Variants in PXT1 observed in about 807,000 individuals in gnomAD.
The protein encoded by PXT1 is peroxisomal testis-specific protein 1.
A neutral mutation model predicts 11.0 loss-of-function variants in PXT1; 11 were observed. That is an observed-to-expected ratio of 1.00 (90% confidence interval 0.63 to 1.66). The LOEUF (loss-of-function observed/expected upper bound fraction) is 1.66. PXT1 is among the 40% of genes most tolerant of loss of function. PXT1 has a pLI of 0.00. For missense variants in PXT1, 141 were observed against 155.5 expected (o/e 0.91, Z 0.49); for synonymous variants, 43 against 51.4 (o/e 0.84, Z 0.70).
intron 4 of PXT1, among the ~76,000 whole-genome samples, chr6:36,398,924 G>A (rs1457059598): frequency 6.6e-6 from 1 of 152,044 alleles, no homozygotes; most frequent in Non-Finnish European, 1.5e-5. Context: ...CATCTGCCTT[G>A]TTATCTGCCC....
chr6:36,414,014 A>T (rs552858995), intron 3 of PXT1, among the ~76,000 whole-genome samples: 105 of 152,358 alleles, frequency 6.9e-4, no homozygotes, highest in African/African-American at 2.4e-3. Context: ...ACATAAAAAT[A>T]AAAATTAAAA....
intron 2 of PXT1, among the ~76,000 whole-genome samples, chr6:36,435,126 T>C (rs75895965): frequency 0.014 from 2,085 of 152,048 alleles, 45 homozygotes; most frequent in African/African-American, 0.045. Context: ...TAGCAAAAGC[T>C]TTAGAGAAGA....
intron 3 of PXT1, among the ~76,000 whole-genome samples, chr6:36,419,996 G>A (rs1166828725): frequency 6.6e-6 from 1 of 152,140 alleles, no homozygotes; most frequent in Non-Finnish European, 1.5e-5. Flanking sequence ...GGTGGGTTTA[G>A]GGCTAGGCTT....
At chr6:36,428,053 C>T (rs115463186) in intron 2 of PXT1, among the ~76,000 whole-genome samples, 7,778 of 152,186 alleles carry the variant, frequency 0.051, 283 homozygotes, top group South Asian at 0.13. Flanking sequence ...TAACTGGACT[C>T]ATTAGGCAAA....
chr6:36,442,307 G>A (rs1360730956), intron 1 of PXT1, among the ~76,000 whole-genome samples: 1 of 152,162 alleles, frequency 6.6e-6, no homozygotes, highest in Non-Finnish European at 1.5e-5. Context: ...AGGATTACAG[G>A]CGTGAGCCAC....
intron 3 of PXT1, among the ~76,000 whole-genome samples, chr6:36,419,838 G>A (rs904890548): frequency 2.6e-5 from 4 of 152,124 alleles, no homozygotes; most frequent in African/African-American, 4.8e-5. Context: ...AGAACCAGGC[G>A]AAATATTTGG....
intron 1 of PXT1, among the ~76,000 whole-genome samples, chr6:36,440,928 C>G (rs908482592): frequency 3.3e-5 from 5 of 151,858 alleles, no homozygotes; most frequent in African/African-American, 1.2e-4. Flanking sequence ...TAATAAGACT[C>G]GGTAGTTAGC....
At chr6:36,425,838 C>T in intron 3 of PXT1, 76 bp downstream of exon 3, 1 of 669,440 alleles carries the variant, frequency 1.5e-6, no homozygotes, top group Non-Finnish European at 2.3e-6. Flanking sequence ...ATTTAATGTC[C>T]AATTTTATGG....
At chr6:36,419,807 T>C (rs947757233) in intron 3 of PXT1, among the ~76,000 whole-genome samples, 8 of 152,210 alleles carry the variant, frequency 5.3e-5, no homozygotes, top group Non-Finnish European at 1.2e-4. Flanking sequence ...TGCACATTCA[T>C]GTATTTAAAG....
intron 2 of PXT1, among the ~76,000 whole-genome samples, chr6:36,428,155 T>G (rs1401860556): frequency 6.6e-6 from 1 of 152,076 alleles, no homozygotes; most frequent in African/African-American, 2.4e-5. Context: ...ATAAAAGTAC[T>G]AAAATTCCTG....
chr6:36,430,330 C>A (rs1485341972), intron 2 of PXT1, among the ~76,000 whole-genome samples: 3 of 152,130 alleles, frequency 2.0e-5, no homozygotes, highest in Non-Finnish European at 4.4e-5. Flanking sequence ...ATGTCCACAT[C>A]CTAATTCCCA....
At chr6:36,407,612 C>T (rs1774309683) in intron 3 of PXT1, among the ~76,000 whole-genome samples, 1 of 151,400 alleles carries the variant, frequency 6.6e-6, no homozygotes, top group Non-Finnish European at 1.5e-5. Context: ...TCTCATGTTG[C>T]CCAGGCTGGA....
chr6:36,430,194 G>A (rs944487571), intron 2 of PXT1, among the ~76,000 whole-genome samples: 14 of 150,750 alleles, frequency 9.3e-5, no homozygotes, highest in Admixed American at 4.6e-4. Flanking sequence ...GTGACAGAGC[G>A]ACACTCCATC....
At chr6:36,421,418 G>C (rs535354892) in intron 3 of PXT1, among the ~76,000 whole-genome samples, 2 of 152,220 alleles carry the variant, frequency 1.3e-5, no homozygotes, top group African/African-American at 4.8e-5. Flanking sequence ...CTATGATCGC[G>C]CCACTGCACT....
intron 1 of PXT1, among the ~76,000 whole-genome samples, 170 bp from the exon 2 acceptor site, chr6:36,439,056 T>C (rs1002771283): frequency 3.3e-5 from 5 of 151,750 alleles, no homozygotes; most frequent in Admixed American, 1.3e-4. Flanking sequence ...GTTGGAGCAG[T>C]GGTGCGATCC....
At chr6:36,415,743 G>A (rs546016782) in intron 3 of PXT1, among the ~76,000 whole-genome samples, 2 of 152,272 alleles carry the variant, frequency 1.3e-5, no homozygotes, top group South Asian at 4.1e-4. Flanking sequence ...ATTAGATCAG[G>A]AGCAACAGAA....
chr6:36,420,218 T>C (rs1774505082), intron 3 of PXT1, among the ~76,000 whole-genome samples: 1 of 152,178 alleles, frequency 6.6e-6, no homozygotes, highest in Non-Finnish European at 1.5e-5. Context: ...AACAGAAATA[T>C]GTTTAAGGTT....
At chr6:36,408,549 A>G (rs1582254954) in intron 3 of PXT1, among the ~76,000 whole-genome samples, 2 of 151,626 alleles carry the variant, frequency 1.3e-5, no homozygotes, top group Admixed American at 1.3e-4. Context: ...GTGAGCCACC[A>G]TGCCTGGACT....
At chr6:36,399,547 C>T (rs1448257591) in intron 4 of PXT1, among the ~76,000 whole-genome samples, 5 of 152,086 alleles carry the variant, frequency 3.3e-5, no homozygotes, top group South Asian at 4.2e-4. Flanking sequence ...CACATTTGGA[C>T]CTGAGTATAA....
Sources: allele counts gnomAD v4.1 joint callset (sites outside exome capture counted in the v4.1 genomes callset), GRCh38; gene constraint gnomAD v4.1.1; transcripts MANE v1.5; gene names NCBI Gene and HGNC (gene_info 2026-07-23, HGNC 2026-07-21).